Variants in KEL observed in about 807,000 individuals in gnomAD.
KEL encodes the protein kell blood group glycoprotein.
Under a neutral mutation model 99.5 loss-of-function variants are expected in KEL, and 96 were observed. That is an observed-to-expected ratio of 0.97 (90% CI 0.82 to 1.14). The LOEUF (loss-of-function observed/expected upper bound fraction) is 1.14, where lower values mean the gene tolerates loss of function less well. KEL is among the 50% of genes most tolerant of loss of function. The probability of loss-of-function intolerance (pLI) is 0.00; values close to 1 mark genes in which losing one functional copy is unlikely to be tolerated. For synonymous variants in KEL, 355 were observed against 354.8 expected (o/e 1.00, Z -0.01); for missense variants, 926 against 924.2 (o/e 1.00, Z -0.03).
At chr7:142,960,041 C>G (rs1198612324) in intron 4 of KEL, among the ~76,000 whole-genome samples, 1 of 152,186 alleles carries the variant, frequency 6.6e-6, no homozygotes, top group Non-Finnish European at 1.5e-5. Flanking sequence ...CTGGGACGCA[C>G]TTCCAACCTC....
rs775291117 is a variant in KEL at position 142,958,335 on chromosome 7, C to T, written c.494G>A (p.Gly165Glu). Residue 165 changes from glycine to glutamate, a missense_variant, in exon 5 of 19, where the codon GGG becomes GAG. Coordinates refer to ENST00000355265, the MANE Select transcript of KEL (RefSeq NM_000420.3). ...CMDTLAIEAA[G>E]TGPLRQVIEE... Reference sequence around the variant, plus strand: ...AATAACTTGTCTGAGGGGACCAGTCCCTGCAGCTTCAATGGCAAGTGTATC... The same window carrying T: ...AATAACTTGTCTGAGGGGACCAGTCTCTGCAGCTTCAATGGCAAGTGTATC... 1 of 1,614,122 alleles carries T rather than the reference C, an allele frequency of 6.2e-7. No individual in the cohort carries two copies. Among genetic ancestry groups the T allele is most frequent in the South Asian group, 1.1e-5 (1 of 91,078 alleles).
chr7:142,946,232 G>C lies in KEL; in HGVS notation c.1289C>G (p.Ala430Gly). ...PTLAALFVRE[A>G]FGPSTRSAAM... ...AGCACTTCGGGTGCTCGGGCCAAAGGCCTCACGAACAAACAAAGCCGCCAG... is the reference window on the plus strand; with the variant it reads ...AGCACTTCGGGTGCTCGGGCCAAAGCCCTCACGAACAAACAAAGCCGCCAG... Residue 430 changes from alanine (A) to glycine (G), a missense_variant, in exon 11 of 19, where the codon GCC becomes GGC. Coordinates refer to ENST00000355265, the MANE Select transcript of KEL (RefSeq NM_000420.3). The C allele has an allele frequency of 1.9e-6, 3 of 1,613,980 alleles. No individual in the cohort carries two copies. The highest frequency in any genetic ancestry group is 2.5e-6 in the Non-Finnish European group (3 of 1,179,896).
chr7:142,942,708 T>A (rs1796393583), intron 17 of KEL, among the ~76,000 whole-genome samples, 167 bp downstream of exon 17: 1 of 152,110 alleles, frequency 6.6e-6, no homozygotes. Flanking sequence ...AAATGGAGGA[T>A]CTCTGGGGTA....
intron 18 of KEL, 21 bp downstream of exon 18, chr7:142,942,413 C>T (rs199919501): frequency 2.6e-4 from 399 of 1,533,630 alleles, no homozygotes; most frequent in Middle Eastern, 5.0e-4. Flanking sequence ...CAAGCTGTGG[C>T]GGGAGGTGGC....
In KEL at chr7:142,953,803, C is replaced by T. The variant is rs751160465; in HGVS notation, c.1073+5G>A. 22 of 1,613,924 alleles carry T rather than the reference C, an allele frequency of 1.4e-5. No homozygotes were observed. The highest frequency in any genetic ancestry group is 1.1e-4 in the East Asian group (5 of 44,870). The stretch of plus-strand genomic sequence containing the variant: ...ATGATCTCCCCAATCCCACCTGCGG[C>T]GAACCTCTGCTTTAGCAGCATCTCC... On this transcript the variant is annotated splice_donor_5th_base_variant and intron_variant, in intron 9 of 18. Transcript: ENST00000355265.
At chr7:142,943,635 G>A (rs771699228) in intron 14 of KEL, 39 bp from the exon 15 acceptor site, 23 of 1,466,456 alleles carry the variant, frequency 1.6e-5, no homozygotes, top group Middle Eastern at 1.8e-4. Context: ...CCCCCACCAC[G>A]TATTGCCCTG....
chr7:142,943,912 C>A, intron 13 of KEL, 29 bp from the exon 14 acceptor site: 2 of 1,571,152 alleles, frequency 1.3e-6, no homozygotes, highest in Non-Finnish European at 1.8e-6. Context: ...GTGACTTGGG[C>A]ACACAGAGAC....
At chr7:142,943,111 T>G in intron 16 of KEL, 67 bp from the exon 17 acceptor site, 6 of 1,591,536 alleles carry the variant, frequency 3.8e-6, no homozygotes, top group Non-Finnish European at 5.2e-6. Context: ...TAGGTGAGGA[T>G]GTGGGTGGTA....
At chr7:142,961,151 G>A in intron 3 of KEL, 47 bp from the exon 4 acceptor site, 6 of 1,605,712 alleles carry the variant, frequency 3.7e-6, no homozygotes, top group Non-Finnish European at 5.1e-6. Flanking sequence ...AAAAAGACAA[G>A]GGCTCCCCCA....
chr7:142,948,938 C>T (rs990081812), intron 10 of KEL, among the ~76,000 whole-genome samples: 1 of 138,648 alleles, frequency 7.2e-6, no homozygotes, highest in African/African-American at 3.3e-5. Flanking sequence ...ACACTAGAAA[C>T]CTGAATGCTG....
chr7:142,948,387 A>G (rs1189114958), intron 10 of KEL, among the ~76,000 whole-genome samples: 2 of 151,682 alleles, frequency 1.3e-5, no homozygotes, highest in East Asian at 3.9e-4. Flanking sequence ...AGGGCACCAG[A>G]AAAAAAAAGT....
chr7:142,942,495 TC>T lies in KEL; in HGVS notation c.1975del (p.Glu659ArgfsTer22), dbSNP rs1042359399. 1 of 1,610,298 alleles carries T rather than the reference TC, an allele frequency of 6.2e-7. No individual in the cohort carries two copies. Among genetic ancestry groups the T allele is most frequent in the Non-Finnish European group, 8.5e-7 (1 of 1,178,422 alleles). On this transcript the variant is annotated frameshift_variant, in exon 18 of 19. Coordinates refer to ENST00000355265, the MANE Select transcript of KEL (RefSeq NM_000420.3). LOFTEE classifies it high-confidence loss of function. The part of the protein sequence containing the change: ...YSKRLLRHHG[E>X]TVLPSLDLSP... The stretch of plus-strand genomic sequence containing the variant: ...GAGGTCCAGGCTGGGCAGGACAGTC[TC>T]CCCATGGTGCCGTAACAGCCTCTTG...
rs1180852936 is a variant in KEL, at chr7:142,961,891, G to A, written c.4-19C>T. The A allele has an allele frequency of 6.2e-7, 1 of 1,612,694 alleles. No individual in the cohort carries two copies. On this transcript the variant is annotated intron_variant, in intron 1 of 18. Transcript: ENST00000355265. ...CACCTTCCTGAAGTGAGTGGAGGGA[G>A]AAGGAGGAGAGAGAAGCTGGTTCAG...
At chr7:142,943,164 G>A in intron 16 of KEL, 112 bp downstream of exon 16, 3 of 1,545,520 alleles carry the variant, frequency 1.9e-6, no homozygotes, top group Non-Finnish European at 1.8e-6. Flanking sequence ...AAAGTTCCCA[G>A]GACTGCCCCA....
Position 142,962,330 on chromosome 7 carries a change from T to A in KEL, c.-124A>T, listed in dbSNP as rs1294066008. The A allele has an allele frequency of 1.8e-6, 2 of 1,116,308 alleles. No individual in the cohort carries two copies. The highest frequency in any genetic ancestry group is 2.7e-6 in the Non-Finnish European group (2 of 732,668). 69.2% of individuals were successfully genotyped at this position (1,116,308 alleles called of 1,614,324 possible). A position where few individuals can be genotyped will look rare whatever the true frequency, so the allele number is the denominator to read the frequency against. On this transcript the variant is annotated 5_prime_UTR_variant, in exon 1 of 19. Coordinates refer to ENST00000355265, the MANE Select transcript of KEL (RefSeq NM_000420.3). ...GATCCTGGAGAAGGGGCACTTCTGC[T>A]GCTCTTTCGCCTTGTCCCCAGACAC...
Position 142,952,639 on chromosome 7 carries a change from C to T in KEL, c.1074-1G>A. ...GATCATGTGGCTCTGCAGAAAGTCC[C>T]TATGGAGACAAAAGAGACCCACACA... On this transcript the variant is annotated splice_acceptor_variant, in intron 9 of 18. Transcript: ENST00000355265. LOFTEE classifies it high-confidence loss of function. The T allele has an allele frequency of 6.2e-7, 1 of 1,613,910 alleles. No individual in the cohort carries two copies. Among genetic ancestry groups the T allele is most frequent in the African/African-American group, 1.3e-5 (1 of 74,974 alleles).
At position 142,944,761 on chromosome 7, in the gene KEL, G is replaced by C. The variant is rs558510052; in HGVS notation, c.1315-20C>G. 6.4e-7 allele frequency: 1 copy of C among 1,570,126 alleles called. No individual in the cohort carries two copies. Among genetic ancestry groups the C allele is most frequent in the African/African-American group, 1.3e-5 (1 of 74,168 alleles). On this transcript the variant is annotated intron_variant, in intron 11 of 18. Coordinates refer to ENST00000355265, the MANE Select transcript of KEL (RefSeq NM_000420.3). ...CATGGCCTGTGGGAGTGAGGTCCAGGGACAGGGGGACAGGATCAGGAGAGG... is the reference window on the plus strand; with the variant it reads ...CATGGCCTGTGGGAGTGAGGTCCAGCGACAGGGGGACAGGATCAGGAGAGG...
rs568899931 is a variant in KEL at position 142,944,544 on chromosome 7, G to A, written c.1413+99C>T. 44 of 1,199,306 alleles carry A rather than the reference G, an allele frequency of 3.7e-5. No individual in the cohort carries two copies. The African/African-American group carries it at 5.3e-4, about 14-fold the overall frequency. The allele number at this position is 1,199,306 out of a possible 1,614,324, so 74.3% of individuals were successfully genotyped here. A position where few individuals can be genotyped will look rare whatever the true frequency, so the allele number is the denominator to read the frequency against. ...TGGCTTCCCTACTTAGCATGTGCCT[G>A]GGGGGGCCTTTGGCATTTGCTTCCA... On this transcript the variant is annotated intron_variant, in intron 12 of 18. Transcript: ENST00000355265.
At chr7:142,959,291 GA>G (rs1244203001) in intron 4 of KEL, among the ~76,000 whole-genome samples, 2 of 152,196 alleles carry the variant, frequency 1.3e-5, no homozygotes, top group Non-Finnish European at 2.9e-5. Context: ...AATATGGAAG[GA>G]GGGGGAGGAA....
Sources: allele counts gnomAD v4.1 joint callset (sites outside exome capture counted in the v4.1 genomes callset), GRCh38; gene constraint gnomAD v4.1.1; transcripts MANE v1.5; gene names NCBI Gene and HGNC (gene_info 2026-07-23, HGNC 2026-07-21).